ANGPT1: variants seen among roughly 807,000 people sequenced by gnomAD.
ANGPT1 encodes the protein angiopoietin 1.
A neutral mutation model predicts 62.2 loss-of-function variants in ANGPT1; 17 were observed. The ratio of observed to expected loss-of-function variants is 0.27; its 90% CI spans 0.19 to 0.41. The LOEUF is 0.41. ANGPT1 is among the 10% of genes least tolerant of loss of function. The pLI is 1.00. For missense variants in ANGPT1, 478 were observed against 594.9 expected, an observed-to-expected ratio of 0.80 and a Z score of 2.04; for synonymous variants, 199 against 198.9, an observed-to-expected ratio of 1.00 and a Z score of 0.00.
intron 1 of ANGPT1, among the ~76,000 whole-genome samples, chr8:107,420,110 G>T (rs191924545): frequency 6.6e-6 from 1 of 152,170 alleles, no homozygotes; most frequent in Admixed American, 6.5e-5. Flanking sequence ...AATTGATTTT[G>T]TTCATTGATA....
intron 1 of ANGPT1, among the ~76,000 whole-genome samples, chr8:107,485,446 T>G (rs1389215851): frequency 6.6e-6 from 1 of 152,152 alleles, no homozygotes; most frequent in Non-Finnish European, 1.5e-5. Flanking sequence ...CCCTGTCTCA[T>G]GCAACTGATA....
intron 7 of ANGPT1, among the ~76,000 whole-genome samples, chr8:107,276,088 T>C (rs947884666): frequency 6.6e-6 from 1 of 152,150 alleles, no homozygotes; most frequent in African/African-American, 2.4e-5. Context: ...TCCGTGCCTC[T>C]GAAGACCCAG....
intron 4 of ANGPT1, among the ~76,000 whole-genome samples, chr8:107,317,308 T>G (rs1301453333): frequency 6.6e-6 from 1 of 152,124 alleles, no homozygotes; most frequent in East Asian, 1.9e-4. Context: ...TAAATAAAAA[T>G]GAATAAATAT....
intron 1 of ANGPT1, among the ~76,000 whole-genome samples, chr8:107,446,647 G>A (rs2130444351): frequency 6.6e-6 from 1 of 152,312 alleles, no homozygotes; most frequent in Non-Finnish European, 1.5e-5. Context: ...GGCTAAGCAG[G>A]GAGGAATAGA....
chr8:107,298,095 C>T (rs1814464079), intron 5 of ANGPT1, among the ~76,000 whole-genome samples: 1 of 151,802 alleles, frequency 6.6e-6, no homozygotes, highest in Non-Finnish European at 1.5e-5. Context: ...TGAACTGGCT[C>T]CTATCCCAGG....
At chr8:107,267,609 C>T (rs1813643529) in intron 7 of ANGPT1, among the ~76,000 whole-genome samples, 1 of 152,052 alleles carries the variant, frequency 6.6e-6, no homozygotes, top group African/African-American at 2.4e-5. Context: ...TTCTTCTTCC[C>T]CTTCCCCATG....
At chr8:107,445,875 A>G (rs1390153178) in intron 1 of ANGPT1, among the ~76,000 whole-genome samples, 2 of 152,186 alleles carry the variant, frequency 1.3e-5, no homozygotes, top group African/African-American at 4.8e-5. Flanking sequence ...GAAAATAAAT[A>G]GGTGGAATTA....
At chr8:107,384,596 G>A (rs540300090) in intron 1 of ANGPT1, among the ~76,000 whole-genome samples, 18 of 152,128 alleles carry the variant, frequency 1.2e-4, no homozygotes, top group African/African-American at 2.6e-4. Flanking sequence ...TTTAGTAAAC[G>A]TAAGTTTCAG....
chr8:107,283,168 A>G (rs78851733), intron 7 of ANGPT1, among the ~76,000 whole-genome samples: 2,011 of 152,296 alleles, frequency 0.013, 50 homozygotes, highest in African/African-American at 0.045. Context: ...TATAGTTTCA[A>G]GTTTCAGGTC....
At chr8:107,363,383 A>C (rs994248464) in intron 1 of ANGPT1, among the ~76,000 whole-genome samples, 1 of 152,226 alleles carries the variant, frequency 6.6e-6, no homozygotes, top group Non-Finnish European at 1.5e-5. Context: ...ACAGTTATCA[A>C]TAAGAAGACA....
chr8:107,256,991 G>T (rs1177290453), intron 8 of ANGPT1, among the ~76,000 whole-genome samples: 6 of 152,082 alleles, frequency 3.9e-5, no homozygotes, highest in African/African-American at 1.4e-4. Context: ...TGAGTAGCTA[G>T]GACTACAGGC....
intron 1 of ANGPT1, among the ~76,000 whole-genome samples, chr8:107,444,102 A>G (rs907455363): frequency 6.6e-6 from 1 of 152,194 alleles, no homozygotes; most frequent in Non-Finnish European, 1.5e-5. Context: ...ATCTGGCTCA[A>G]TTGTCCATGG....
chr8:107,396,465 C>T (rs1415016407), intron 1 of ANGPT1, among the ~76,000 whole-genome samples: 2 of 150,232 alleles, frequency 1.3e-5, no homozygotes, highest in African/African-American at 2.4e-5. Context: ...TCAAACATAA[C>T]TAAAACCCGT....
rs1319153494 is a variant in ANGPT1 at position 107,321,977 on chromosome 8, T to C, written c.727A>G (p.Asn243Asp). ...LEKQLNRATT[N>D]NSVLQKQQLE... is the part of the protein sequence containing the mutation. ...TGCTGCTTCTGAAGGACACTGTTGT[T>C]GGTGGTAGCTCTGTTTAATTGCTTT... The change falls in exon 4 of 9, where the codon AAC becomes GAC. Residue 243 changes from asparagine (N) to aspartate (D), a missense_variant. Coordinates refer to ENST00000517746, the MANE Select transcript of ANGPT1 (RefSeq NM_001146.5). 1.2e-6 allele frequency: 2 copies of C among 1,614,032 alleles called. No homozygotes were observed. The highest frequency in any genetic ancestry group is 1.7e-6 in the Non-Finnish European group (2 of 1,179,914).
chr8:107,488,576 G>A (rs1443654721), intron 1 of ANGPT1, among the ~76,000 whole-genome samples: 1 of 151,996 alleles, frequency 6.6e-6, no homozygotes, highest in East Asian at 1.9e-4. Flanking sequence ...CTTTATTATT[G>A]ACATTTTAAG....
At chr8:107,445,706 C>A (rs1811598498) in intron 1 of ANGPT1, among the ~76,000 whole-genome samples, 1 of 152,006 alleles carries the variant, frequency 6.6e-6, no homozygotes, top group South Asian at 2.1e-4. Context: ...TTCAAAAATT[C>A]AGAATCTATC....
intron 1 of ANGPT1, among the ~76,000 whole-genome samples, chr8:107,449,858 A>G (rs1811723165): frequency 6.6e-6 from 1 of 152,124 alleles, no homozygotes; most frequent in African/African-American, 2.4e-5. Flanking sequence ...ATGAATCAAG[A>G]ATAAATTATA....
chr8:107,457,784 T>C (rs1189257225), intron 1 of ANGPT1, among the ~76,000 whole-genome samples: 1 of 151,412 alleles, frequency 6.6e-6, no homozygotes, highest in African/African-American at 2.4e-5. Context: ...AAGAAGTTTC[T>C]GATTTGGGAA....
intron 1 of ANGPT1, among the ~76,000 whole-genome samples, chr8:107,349,963 T>C (rs1010522373): frequency 6.6e-6 from 1 of 152,094 alleles, no homozygotes; most frequent in Non-Finnish European, 1.5e-5. Flanking sequence ...TCTCAAAGTG[T>C]GGTCCATAGA....
Sources: allele counts gnomAD v4.1 joint callset (sites outside exome capture counted in the v4.1 genomes callset), GRCh38; gene constraint gnomAD v4.1.1; transcripts MANE v1.5; gene names NCBI Gene and HGNC (gene_info 2026-07-23, HGNC 2026-07-21).